Variants in CDH18 observed in about 807,000 individuals in gnomAD.
The protein encoded by CDH18 is cadherin-18.
In CDH18, 31 loss-of-function variants were observed where a neutral mutation model predicts 67.9. That is an observed-to-expected ratio of 0.46 (90% CI 0.34 to 0.62). The LOEUF (loss-of-function observed/expected upper bound fraction) is 0.62, where lower values mean the gene tolerates loss of function less well. Ranked by LOEUF, CDH18 falls within the 20% of genes least tolerant of loss-of-function variation. The pLI is 0.01. For synonymous variants in CDH18, 362 were observed against 347.2 expected (o/e 1.04, Z -0.48); for missense variants, 890 against 975.5 (o/e 0.91, Z 1.17).
intron 1 of CDH18, among the ~76,000 whole-genome samples, chr5:20,320,160 T>C (rs1737864080): frequency 6.6e-6 from 1 of 152,160 alleles, no homozygotes. Flanking sequence ...CTTGTTGGGA[T>C]GGATTGTTGA....
chr5:20,207,517 A>G (rs370779920), intron 2 of CDH18, among the ~76,000 whole-genome samples: 1 of 152,106 alleles, frequency 6.6e-6, no homozygotes, highest in Non-Finnish European at 1.5e-5. Context: ...GCTCACAATC[A>G]TGGTGGAAGG....
At position 19,927,328 on chromosome 5, in the gene CDH18, A is replaced by T. The variant is rs976952289; in HGVS notation, c.-257+53732T>A. Among the ~76,000 whole-genome samples, 41 of 152,102 alleles carry T rather than the reference A, an allele frequency of 2.7e-4. 1 individual carries two copies. The highest frequency in any genetic ancestry group is 9.6e-4 in the African/African-American group (40 of 41,486). On this transcript the variant is annotated intron_variant, in intron 2 of 12. Transcript: ENST00000382275. ...TACATGTTTGGGTGAGAATATATTA[A>T]CTCATTTCATTCTCACAATACTCTA...
At chr5:19,675,163 ATCACATGCT>A (rs1323166310) in intron 5 of CDH18, among the ~76,000 whole-genome samples, 3 of 152,084 alleles carry the variant, frequency 2.0e-5, no homozygotes, top group African/African-American at 7.2e-5. Flanking sequence ...GGTCACAGAG[ATCACATGCT>A]TCACAAGGTA....
chr5:20,419,392 TC>T (rs773729998), intron 1 of CDH18, among the ~76,000 whole-genome samples: 31 of 150,810 alleles, frequency 2.1e-4, no homozygotes, highest in Non-Finnish European at 4.0e-4. Flanking sequence ...ATCTCAGACT[TC>T]CAGCCTCCAG....
chr5:19,625,560 G>T (rs917676159), intron 5 of CDH18, among the ~76,000 whole-genome samples: 3 of 152,158 alleles, frequency 2.0e-5, no homozygotes, highest in Admixed American at 6.6e-5. Context: ...GTATGGGATT[G>T]CTCGGTCCCA....
At chr5:19,962,188 T>A (rs1796971009) in intron 2 of CDH18, among the ~76,000 whole-genome samples, 1 of 151,818 alleles carries the variant, frequency 6.6e-6, no homozygotes, top group Non-Finnish European at 1.5e-5. Context: ...TGTTTTTATG[T>A]AAATTATTTA....
At chr5:20,263,859 A>C (rs1317041534) in intron 1 of CDH18, among the ~76,000 whole-genome samples, 1 of 152,092 alleles carries the variant, frequency 6.6e-6, no homozygotes, top group Non-Finnish European at 1.5e-5. Flanking sequence ...AGATTTTTTT[A>C]AGGTGTGAGC....
chr5:20,111,347 T>C (rs907642794), intron 2 of CDH18, among the ~76,000 whole-genome samples: 1 of 152,112 alleles, frequency 6.6e-6, no homozygotes, highest in African/African-American at 2.4e-5. Flanking sequence ...TTTGCTGTTG[T>C]TGTTTTGGAT....
In CDH18 at chr5:20,136,204, C is replaced by G. The variant is rs1015611046; in HGVS notation, c.-518+119240G>C. 2.6e-5 allele frequency among the ~76,000 whole-genome samples: 4 copies of G among 151,984 alleles called. No homozygotes were observed. The South Asian group carries it at 8.3e-4, about 32-fold the overall frequency. ...GTTGACAGTGGGGTATTGAAGTCTC[C>G]CATTATTATTGTGTGGGAGTCTAAG... On this transcript the variant is annotated intron_variant, in intron 2 of 14. Coordinates refer to the CDH18 transcript ENST00000507958.
chr5:20,295,996 C>T (rs1341134515), intron 1 of CDH18, among the ~76,000 whole-genome samples: 6 of 149,534 alleles, frequency 4.0e-5, no homozygotes, highest in African/African-American at 7.3e-5. Flanking sequence ...CTCAGCCTCC[C>T]GAGTAACTGG....
chr5:20,150,658 G>A (rs1324634380), intron 2 of CDH18, among the ~76,000 whole-genome samples: 6 of 151,836 alleles, frequency 4.0e-5, no homozygotes, highest in African/African-American at 9.7e-5. Context: ...TGTTTTATGT[G>A]GTTCTGTGTA....
At chr5:19,969,384 C>T (rs962330610) in intron 2 of CDH18, among the ~76,000 whole-genome samples, 3 of 149,858 alleles carry the variant, frequency 2.0e-5, no homozygotes, top group South Asian at 2.1e-4. Context: ...GCTATAAAGA[C>T]ACATGCACAT....
intron 2 of CDH18, among the ~76,000 whole-genome samples, chr5:19,968,273 A>G (rs1797668755): frequency 6.6e-6 from 1 of 152,164 alleles, no homozygotes; most frequent in Admixed American, 6.6e-5. Flanking sequence ...TGCCCAAGGT[A>G]ATTTATAGAT....
intron 2 of CDH18, among the ~76,000 whole-genome samples, chr5:20,214,099 A>G (rs1740571845): frequency 6.6e-6 from 1 of 152,108 alleles, no homozygotes; most frequent in South Asian, 2.1e-4. Context: ...TTACCACGAA[A>G]AAGAATGAAA....
chr5:19,921,785 GATA>G (rs1792510637), intron 2 of CDH18, among the ~76,000 whole-genome samples: 1 of 151,970 alleles, frequency 6.6e-6, no homozygotes, highest in Non-Finnish European at 1.5e-5. Flanking sequence ...AATTAGTAAA[GATA>G]ATTTTTAAAA....
chr5:20,416,624 TTA>T, intron 1 of CDH18, among the ~76,000 whole-genome samples: 1 of 152,174 alleles, frequency 6.6e-6, no homozygotes, highest in South Asian at 2.1e-4. Flanking sequence ...GGTAATATTT[TTA>T]GTTATTAAAT....
At chr5:19,974,099 G>T (rs1798277674) in intron 2 of CDH18, among the ~76,000 whole-genome samples, 1 of 152,074 alleles carries the variant, frequency 6.6e-6, no homozygotes, top group Non-Finnish European at 1.5e-5. Context: ...ATATTTTAGG[G>T]TTAGAACATA....
chr5:20,146,251 T>C (rs1451670955), intron 2 of CDH18, among the ~76,000 whole-genome samples: 1 of 152,046 alleles, frequency 6.6e-6, no homozygotes, highest in Non-Finnish European at 1.5e-5. Flanking sequence ...ACTTTCCTAC[T>C]TGGAATTTAT....
intron 5 of CDH18, among the ~76,000 whole-genome samples, chr5:19,708,196 C>G (rs1021262059): frequency 6.6e-6 from 1 of 152,144 alleles, no homozygotes; most frequent in Non-Finnish European, 1.5e-5. Flanking sequence ...ATTAAAAGAA[C>G]AAATATTTAA....
Sources: allele counts gnomAD v4.1 joint callset (sites outside exome capture counted in the v4.1 genomes callset), GRCh38; gene constraint gnomAD v4.1.1; transcripts MANE v1.5; gene names NCBI Gene and HGNC (gene_info 2026-07-23, HGNC 2026-07-21).